GTPBP1: variants seen among roughly 807,000 people sequenced by gnomAD.
GTPBP1 encodes the protein GTP-binding protein 1.
A neutral mutation model predicts 62.0 loss-of-function variants in GTPBP1; 23 were observed. That is an observed-to-expected ratio of 0.37 (90% CI 0.27 to 0.53). GTPBP1 has a LOEUF of 0.53. Among genes scored for constraint, GTPBP1 ranks in the 20% least tolerant of loss-of-function variants. GTPBP1 has a pLI of 0.89. For synonymous variants in GTPBP1, 344 were observed against 364.4 expected (o/e 0.94, Z 0.64); for missense variants, 640 against 917.3 (o/e 0.70, Z 3.90).
downstream of GTPBP1, chr22:38,740,516 T>G: frequency 7.3e-7 from 1 of 1,374,094 alleles, no homozygotes. This position sits in a 1 kb window ranked among gnomAD's most constrained non-coding sequence, Gnocchi z 4.8. Context: ...GACCCCCTAG[T>G]GGGCTCCCGT....
At chr22:38,715,073 A>ATCTTTCTGTCGTCAT in intron 2 of GTPBP1, among the ~76,000 whole-genome samples, 1 of 152,126 alleles carries the variant, frequency 6.6e-6, no homozygotes, top group East Asian at 1.9e-4. Flanking sequence ...ATTTTCCTCC[A>ATCTTTCTGTCGTCAT]TCTTTCTGTC....
chr22:38,738,430 A>C (rs1185298588), downstream of GTPBP1: 1 of 1,158,120 alleles, frequency 8.6e-7, no homozygotes, highest in Non-Finnish European at 1.2e-6. This position sits in a 1 kb window ranked among gnomAD's most constrained non-coding sequence, Gnocchi z 6.6. Flanking sequence ...GCCTAAGGTA[A>C]CAGGGACTGA....
chr22:38,714,432 T>C (rs5757257), intron 2 of GTPBP1, among the ~76,000 whole-genome samples: 43,079 of 147,344 alleles, frequency 0.29, 6,286 homozygotes, highest in East Asian at 0.37. Context: ...TGAGCAAGGA[T>C]TGTGCCACTG....
At chr22:38,739,014 G>A (rs8138649), downstream of GTPBP1, 3,034 of 1,589,820 alleles carry the variant, frequency 1.9e-3, 65 homozygotes, top group African/African-American at 0.036. This position sits in a 1 kb window ranked among gnomAD's most constrained non-coding sequence, Gnocchi z 6.7. Flanking sequence ...AAGGCAGGGT[G>A]GGCTCCCGCA....
intron 2 of GTPBP1, among the ~76,000 whole-genome samples, chr22:38,715,617 C>T (rs1053971561): frequency 6.6e-6 from 1 of 152,182 alleles, no homozygotes; most frequent in Non-Finnish European, 1.5e-5. Context: ...CTAGGGGCAC[C>T]TGTAGTCCTA....
At chr22:38,742,431 C>T, downstream of GTPBP1, 1 of 1,613,568 alleles carries the variant, frequency 6.2e-7, no homozygotes, top group Non-Finnish European at 8.5e-7. Flanking sequence ...GCCAGGAGCC[C>T]CTTGCCGCAG....
At chr22:38,712,681 C>T (rs545489935) in intron 2 of GTPBP1, among the ~76,000 whole-genome samples, 17 of 152,054 alleles carry the variant, frequency 1.1e-4, no homozygotes, top group Non-Finnish European at 2.5e-4. Context: ...ATGCTGGAGA[C>T]GGGTAATGTG....
At chr22:38,739,741 A>G (rs1335089782), downstream of GTPBP1, 5 of 1,613,554 alleles carry the variant, frequency 3.1e-6, no homozygotes, top group South Asian at 4.4e-5. The surrounding 1 kb of genome is among the most constrained non-coding windows in gnomAD (Gnocchi z 6.7). Flanking sequence ...CACTCCAATC[A>G]CACCTTCTTT....
At chr22:38,736,188 C>A, downstream of GTPBP1, 1 of 1,361,114 alleles carries the variant, frequency 7.3e-7, no homozygotes, top group South Asian at 1.2e-5. Flanking sequence ...GTCAGAGCGC[C>A]GAGCAAGCGT....
chr22:38,712,878 C>T (rs1350495610), intron 2 of GTPBP1, among the ~76,000 whole-genome samples: 1 of 152,224 alleles, frequency 6.6e-6, no homozygotes, highest in African/African-American at 2.4e-5. Context: ...TTAGAAACTC[C>T]TCAGCCCAAC....
chr22:38,730,839 A>C lies in GTPBP1; in HGVS notation c.*135A>C. ...CAGCCGGAGCCTCCGCATTGCCCCCACCCCCATTTTCCAGGGGGGTTGTAA... is the reference window on the plus strand; with the variant it reads ...CAGCCGGAGCCTCCGCATTGCCCCCCCCCCCATTTTCCAGGGGGGTTGTAA... On this transcript the variant is annotated 3_prime_UTR_variant, in exon 12 of 12. Coordinates refer to ENST00000216044, the MANE Select transcript of GTPBP1 (RefSeq NM_004286.5). The surrounding 1 kb of genome is among the most constrained non-coding windows in gnomAD (Gnocchi z 5.6). The C allele has an allele frequency of 1.8e-6, 1 of 557,718 alleles. No homozygotes were observed. The highest frequency in any genetic ancestry group is 3.5e-5 in the Admixed American group (1 of 28,556). The allele number at this position is 557,718 out of a possible 1,614,324, so 34.5% of individuals were successfully genotyped here. A position where few individuals can be genotyped will look rare whatever the true frequency, so the allele number is the denominator to read the frequency against.
At chr22:38,740,505 G>A, downstream of GTPBP1, 1 of 1,393,028 alleles carries the variant, frequency 7.2e-7, no homozygotes, top group Non-Finnish European at 9.4e-7. The surrounding 1 kb of genome is among the most constrained non-coding windows in gnomAD (Gnocchi z 4.8). Flanking sequence ...AGATGAAAGA[G>A]GACCCCCTAG....
Position 38,730,777 on chromosome 22 carries a change from C to A in GTPBP1, c.*73C>A, listed in dbSNP as rs980518701. 13 of 803,970 alleles carry A rather than the reference C, an allele frequency of 1.6e-5. No individual in the cohort carries two copies. The African/African-American group carries it at 2.1e-4, about 13-fold the overall frequency. 49.8% of individuals were successfully genotyped at this position (803,970 alleles called of 1,614,324 possible). ...CCACCACTCCACCAGATGGGCAGAG[C>A]AGCTATGACCGCCACCCAGCCCTCC... On this transcript the variant is annotated 3_prime_UTR_variant, in exon 12 of 12. Transcript: ENST00000216044. This position sits in a 1 kb window ranked among gnomAD's most constrained non-coding sequence, Gnocchi z 5.6.
At chr22:38,715,804 C>T (rs1407650865) in intron 2 of GTPBP1, 103 bp from the exon 3 acceptor site, 14 of 864,086 alleles carry the variant, frequency 1.6e-5, no homozygotes, top group African/African-American at 3.4e-5. Flanking sequence ...GTGCTGGGGT[C>T]GGGGGGTGGT....
Position 38,730,127 on chromosome 22 carries a change from C to T in GTPBP1, c.1917+465C>T, listed in dbSNP as rs1242972940. On this transcript the variant is annotated intron_variant, in intron 11 of 11. Coordinates refer to ENST00000216044, the MANE Select transcript of GTPBP1 (RefSeq NM_004286.5). This position sits in a 1 kb window ranked among gnomAD's most constrained non-coding sequence, Gnocchi z 5.6. ...GGGATGTGCCAGTGCGCCTCTTACT[C>T]GGCATCTCCTGCCAGCTGTCTCCCA... Among the ~76,000 whole-genome samples the T allele has an allele frequency of 5.9e-5, 9 of 152,234 alleles. No individual in the cohort carries two copies. Among genetic ancestry groups the T allele is most frequent in the Admixed American group, 1.3e-4 (2 of 15,308 alleles).
downstream of GTPBP1, among the ~76,000 whole-genome samples, chr22:38,742,148 GAA>G (rs369861899): frequency 7.8e-6 from 1 of 127,728 alleles, no homozygotes; most frequent in African/African-American, 2.9e-5. Context: ...GTCTCAAAAA[GAA>G]AAAAAAAAAA....
intron 2 of GTPBP1, among the ~76,000 whole-genome samples, chr22:38,715,693 C>T (rs947846888): frequency 2.6e-5 from 4 of 152,150 alleles, no homozygotes; most frequent in African/African-American, 4.8e-5. Context: ...AATGAAGTAG[C>T]GAATGCTCTG....
rs1432600996 is a variant in GTPBP1, at chr22:38,731,641, G to C, written c.*937G>C. On this transcript the variant is annotated 3_prime_UTR_variant, in exon 12 of 12. Coordinates refer to ENST00000216044, the MANE Select transcript of GTPBP1 (RefSeq NM_004286.5). ...GGCACTGGTTACCAGAAGGGGGTCT[G>C]GGTCTGCTCAGGATCATGTTTTGTA... The C allele has an allele frequency of 2.6e-5, 4 of 152,662 alleles. No individual in the cohort carries two copies. Among genetic ancestry groups the C allele is most frequent in the Non-Finnish European group, 5.9e-5 (4 of 68,106 alleles). 9.5% of individuals were successfully genotyped at this position (152,662 alleles called of 1,614,324 possible).
downstream of GTPBP1, chr22:38,739,025 C>T (rs564092952): frequency 1.4e-5 from 22 of 1,571,760 alleles, no homozygotes; most frequent in East Asian, 7.1e-5. The surrounding 1 kb of genome is among the most constrained non-coding windows in gnomAD (Gnocchi z 6.7). Context: ...GGCTCCCGCA[C>T]GGGAGGAGGG....
Sources: allele counts gnomAD v4.1 joint callset (sites outside exome capture counted in the v4.1 genomes callset), GRCh38; gene constraint gnomAD v4.1.1; non-coding constraint Gnocchi (gnomAD v3.1); transcripts MANE v1.5; gene names NCBI Gene and HGNC (gene_info 2026-07-23, HGNC 2026-07-21).